Variants in MYL3 observed in about 807,000 individuals in gnomAD.
MYL3 encodes the protein CMLC1.
In MYL3, 11 loss-of-function variants were observed where a neutral mutation model predicts 21.3. The observed-to-expected ratio is 0.52, with a 90% CI of 0.32 to 0.85. The LOEUF (loss-of-function observed/expected upper bound fraction) is 0.85, where lower values mean the gene tolerates loss of function less well. Ranked by LOEUF, MYL3 falls within the 40% of genes least tolerant of loss-of-function variation. The probability of loss-of-function intolerance (pLI) is 0.03; values close to 1 mark genes in which losing one functional copy is unlikely to be tolerated. For synonymous variants in MYL3, 88 were observed against 91.6 expected (o/e 0.96, Z 0.22); for missense variants, 206 against 253.3 (o/e 0.81, Z 1.27).
Position 46,861,065 on chromosome 3 carries a change from GCC to G in MYL3, c.130-80_130-79del. ...CCTCCTCCTGGGCACTCGGTGGCCAGCCCAGAATGTCAACTGTCTCAGCCTGT... is the reference window on the plus strand; with the variant it reads ...CCTCCTCCTGGGCACTCGGTGGCCAGCAGAATGTCAACTGTCTCAGCCTGT... On this transcript the variant is annotated intron_variant, in intron 1 of 6. Transcript: ENST00000292327. This position sits in a 1 kb window ranked among gnomAD's most constrained non-coding sequence, Gnocchi z 4.2. 2.0e-6 allele frequency: 3 copies of G among 1,521,586 alleles called. No homozygotes were observed. Among genetic ancestry groups the G allele is most frequent in the Non-Finnish European group, 2.7e-6 (3 of 1,098,060 alleles). The allele number at this position is 1,521,586 out of a possible 1,614,324, so 94.3% of individuals were successfully genotyped here. A position where few individuals can be genotyped will look rare whatever the true frequency, so the allele number is the denominator to read the frequency against.
At chr3:46,862,132 G>A (rs937523288) in intron 1 of MYL3, among the ~76,000 whole-genome samples, 3 of 152,200 alleles carry the variant, frequency 2.0e-5, no homozygotes, top group Non-Finnish European at 4.4e-5. Context: ...CCTCTCAGAA[G>A]GAAGTCTGTG....
chr3:46,859,458 G>A lies in MYL3; in HGVS notation c.481+17C>T, dbSNP rs924025543. 2.5e-6 allele frequency: 4 copies of A among 1,613,942 alleles called. No individual in the cohort carries two copies. The highest frequency in any genetic ancestry group is 3.4e-6 in the Non-Finnish European group (4 of 1,179,966). On this transcript the variant is annotated intron_variant, in intron 4 of 6. Transcript: ENST00000292327. This position sits in a 1 kb window ranked among gnomAD's most constrained non-coding sequence, Gnocchi z 4.1. ...GTCCCTGGAAGGAGTTGGGGTAGGG[G>A]AGGAGGCTGCCCTCACCCAGCGTGG...
rs1284173307 is a variant in MYL3, at chr3:46,859,354, G to C, written c.481+121C>G. On this transcript the variant is annotated intron_variant, in intron 4 of 6. Transcript: ENST00000292327. The surrounding 1 kb of genome is among the most constrained non-coding windows in gnomAD (Gnocchi z 4.1). ...AACATTTCTGTTGTCTGCCATTGAG[G>C]CTCCCTAATTATGTAACTCTCTCCA... is the stretch of plus-strand genomic sequence containing the variant. The C allele has an allele frequency of 2.3e-6, 3 of 1,283,696 alleles. No homozygotes were observed. Among genetic ancestry groups the C allele is most frequent in the Non-Finnish European group, 3.3e-6 (3 of 899,346 alleles). 79.5% of individuals were successfully genotyped at this position (1,283,696 alleles called of 1,614,324 possible).
Position 46,858,371 on chromosome 3 carries a change from C to A in MYL3, c.559+13G>T. ...CTCCCCTCCCAGAAGACCCCTGCCC[C>A]TGCTGAGCCCACCTTCATAGTTGAT... On this transcript the variant is annotated intron_variant, in intron 5 of 6. Transcript: ENST00000292327. 6.2e-7 allele frequency: 1 copy of A among 1,614,162 alleles called. No homozygotes were observed. Among genetic ancestry groups the A allele is most frequent in the South Asian group, 1.1e-5 (1 of 91,080 alleles).
In MYL3 at chr3:46,859,787, C is replaced by A; in HGVS notation, c.308-139G>T. 2 of 1,029,536 alleles carry A rather than the reference C, an allele frequency of 1.9e-6. No individual in the cohort carries two copies. The highest frequency in any genetic ancestry group is 3.0e-6 in the Non-Finnish European group (2 of 666,678). The allele number at this position is 1,029,536 out of a possible 1,614,324, so 63.8% of individuals were successfully genotyped here. On this transcript the variant is annotated intron_variant, in intron 3 of 6. Coordinates refer to ENST00000292327, the MANE Select transcript of MYL3 (RefSeq NM_000258.3). The surrounding 1 kb of genome is among the most constrained non-coding windows in gnomAD (Gnocchi z 4.1). ...ACACCAGTTCTCACAGCAGTCTACA[C>A]CAGTTTGCCATTTAAAAGCAAACTA...
chr3:46,864,654 G>A (rs552061742), upstream of MYL3, among the ~76,000 whole-genome samples: 2 of 152,284 alleles, frequency 1.3e-5, no homozygotes, highest in East Asian at 3.9e-4. This position sits in a 1 kb window ranked among gnomAD's most constrained non-coding sequence, Gnocchi z 4.7. Flanking sequence ...GGCTCTGAGA[G>A]GGTCTGCCTC....
chr3:46,880,468 G>A (rs1324736221), intron 1 of MYL3, among the ~76,000 whole-genome samples: 1 of 152,202 alleles, frequency 6.6e-6, no homozygotes, highest in Non-Finnish European at 1.5e-5. Context: ...GGCCAAGGCT[G>A]GTGGTTCATA....
intron 1 of MYL3, chr3:46,877,830 CCCATGGGCTG>C: frequency 6.6e-6 from 1 of 152,284 alleles, no homozygotes; most frequent in African/African-American, 2.4e-5. Context: ...ACTTGGAAGG[CCCATGGGCTG>C]CAGGTGAGTG....
In MYL3 at chr3:46,860,600, C is replaced by T. The variant is rs960596932; in HGVS notation, c.307+76G>A. On this transcript the variant is annotated intron_variant, in intron 3 of 6. Coordinates refer to ENST00000292327, the MANE Select transcript of MYL3 (RefSeq NM_000258.3). This position sits in a 1 kb window ranked among gnomAD's most constrained non-coding sequence, Gnocchi z 4.6. ...GTCAGGAAAGATTCTCGTGCTATCC[C>T]GCAGGATGGATGGCAGCCCACCCAG... 57 of 1,587,784 alleles carry T rather than the reference C, an allele frequency of 3.6e-5. No homozygotes were observed. The highest frequency in any genetic ancestry group is 2.1e-4 in the Middle Eastern group (1 of 4,688).
rs730880163 is a variant in MYL3, at chr3:46,858,467, A to G, written c.482-6T>C. 2 of 1,612,260 alleles carry G rather than the reference A, an allele frequency of 1.2e-6. No individual in the cohort carries two copies. The highest frequency in any genetic ancestry group is 1.7e-6 in the Non-Finnish European group (2 of 1,179,964). On this transcript the variant is annotated splice_region_variant and splice_polypyrimidine_tract_variant and intron_variant, in intron 4 of 6. Transcript: ENST00000292327. The stretch of plus-strand genomic sequence containing the variant: ...GTCTTCTGTCAGCCTCTCACCTGGC[A>G]GGAGTGGGAGGCTGAGTCAGCACCG...
upstream of MYL3, chr3:46,863,480 G>C: frequency 7.0e-7 from 1 of 1,426,532 alleles, no homozygotes; most frequent in Non-Finnish European, 9.7e-7. Context: ...TATCCTGCCC[G>C]GATACCTCAT....
rs1701991865 is a variant in MYL3, at chr3:46,861,456, G to A, written c.130-469C>T. ...GCAATGGTACAGGCCGAGGGCTGGT[G>A]GCTGGAAGCATCGAGGGTGAGCACA... is the stretch of plus-strand genomic sequence containing the variant. On this transcript the variant is annotated intron_variant, in intron 1 of 6. Coordinates refer to ENST00000292327, the MANE Select transcript of MYL3 (RefSeq NM_000258.3). This position sits in a 1 kb window ranked among gnomAD's most constrained non-coding sequence, Gnocchi z 4.2. 6.6e-6 allele frequency among the ~76,000 whole-genome samples: 1 copy of A among 152,210 alleles called. No homozygotes were observed. Among genetic ancestry groups the A allele is most frequent in the Non-Finnish European group, 1.5e-5 (1 of 68,036 alleles).
intron 1 of MYL3, among the ~76,000 whole-genome samples, chr3:46,869,128 A>C (rs2385860): frequency 0.32 from 48,749 of 151,884 alleles, 13,806 homozygotes; most frequent in African/African-American, 0.76. Context: ...CCCTCCCCCC[A>C]CAGCATGGCC....
rs1362688360 is a variant in MYL3 at position 46,879,909 on chromosome 3, C to G, written c.-218+2165G>C. Among the ~76,000 whole-genome samples, 3 of 152,040 alleles carry G rather than the reference C, an allele frequency of 2.0e-5. No individual in the cohort carries two copies. The highest frequency in any genetic ancestry group is 4.4e-5 in the Non-Finnish European group (3 of 68,022). ...CAAAAATTAGCCAGGCGTGGTGGTG[C>G]ACAACTATAATGCCAGCTACTCAGG... On this transcript the variant is annotated intron_variant, in intron 1 of 3. Coordinates refer to the MYL3 transcript ENST00000431168. The surrounding 1 kb of genome is among the most constrained non-coding windows in gnomAD (Gnocchi z 4.7).
chr3:46,859,403 G>A lies in MYL3; in HGVS notation c.481+72C>T, dbSNP rs1701965712. 1.9e-6 allele frequency: 3 copies of A among 1,590,252 alleles called. No homozygotes were observed. The highest frequency in any genetic ancestry group is 2.6e-6 in the Non-Finnish European group (3 of 1,160,588). ...CATTTCACCAATGGGTCACAGGCCT[G>A]GGGGGCAACAGAGTGGTTTCTCCCA... On this transcript the variant is annotated intron_variant, in intron 4 of 6. Transcript: ENST00000292327. This position sits in a 1 kb window ranked among gnomAD's most constrained non-coding sequence, Gnocchi z 4.1.
chr3:46,864,128 T>C (rs1702024549), upstream of MYL3, among the ~76,000 whole-genome samples: 1 of 151,940 alleles, frequency 6.6e-6, no homozygotes, highest in South Asian at 2.1e-4. This position sits in a 1 kb window ranked among gnomAD's most constrained non-coding sequence, Gnocchi z 4.7. Flanking sequence ...GGCCCGGGTG[T>C]CTGCATTTGT....
chr3:46,866,784 A>G (rs1575499884), upstream of MYL3, among the ~76,000 whole-genome samples: 1 of 152,096 alleles, frequency 6.6e-6, no homozygotes, highest in Admixed American at 6.5e-5. Flanking sequence ...GCACTCTGGG[A>G]CAGTAGTGCG....
chr3:46,863,504 C>A, upstream of MYL3: 3 of 1,151,618 alleles, frequency 2.6e-6, no homozygotes, highest in South Asian at 1.4e-5. Flanking sequence ...CCCAGCCCCA[C>A]CCCTGCAGTG....
In MYL3 at chr3:46,859,475, C is replaced by T. The variant is rs1356433667; in HGVS notation, c.481G>A (p.Gly161Ser). 6.2e-7 allele frequency: 1 copy of T among 1,614,134 alleles called. No individual in the cohort carries two copies. Among genetic ancestry groups the T allele is most frequent in the Non-Finnish European group, 8.5e-7 (1 of 1,180,020 alleles). Residue 161 changes from glycine to serine, a missense_variant and splice_region_variant, in exon 4 of 7, where the codon GGT becomes AGT. Physicochemically the swap from Gly to Ser is moderately conservative, Grantham distance 56. Coordinates refer to ENST00000292327, the MANE Select transcript of MYL3 (RefSeq NM_000258.3). The surrounding 1 kb of genome is among the most constrained non-coding windows in gnomAD (Gnocchi z 4.1). ...GGGTAGGGGAGGAGGCTGCCCTCAC[C>T]CAGCGTGGCCAGCACGTGGCGAAGC... is the stretch of plus-strand genomic sequence containing the variant. Reference protein sequence around the residue: ...AELRHVLATLGERLTEDEVEK... With the variant: ...AELRHVLATLSERLTEDEVEK...
Sources: allele counts gnomAD v4.1 joint callset (sites outside exome capture counted in the v4.1 genomes callset), GRCh38; gene constraint gnomAD v4.1.1; non-coding constraint Gnocchi (gnomAD v3.1); transcripts MANE v1.5; gene names NCBI Gene and HGNC (gene_info 2026-07-23, HGNC 2026-07-21).